RMST: variants seen among roughly 807,000 people sequenced by gnomAD.
The protein encoded by RMST is rhabdomyosarcoma 2 associated transcript.
At chr12:97,512,302 CAA>C (rs1477125070) in intron 10 of RMST, among the ~76,000 whole-genome samples, 1 of 152,108 alleles carries the variant, frequency 6.6e-6, no homozygotes. Context: ...AGTGGGGACC[CAA>C]AGAGTGAGCA....
chr12:97,481,843 TG>T (rs1448487942), intron 5 of RMST, among the ~76,000 whole-genome samples: 16 of 152,226 alleles, frequency 1.1e-4, no homozygotes, highest in Admixed American at 9.2e-4. Flanking sequence ...TTTCCAAGAC[TG>T]GCTAAATAAG....
chr12:97,498,050 T>C (rs1211103313), intron 10 of RMST, among the ~76,000 whole-genome samples: 1 of 152,104 alleles, frequency 6.6e-6, no homozygotes, highest in Non-Finnish European at 1.5e-5. Context: ...AAAGTAATAA[T>C]ACAAATAGAG....
At chr12:97,489,786 A>G (rs1397016699) in intron 5 of RMST, among the ~76,000 whole-genome samples, 3 of 152,210 alleles carry the variant, frequency 2.0e-5, no homozygotes, top group African/African-American at 7.2e-5. Flanking sequence ...ATATTTATCA[A>G]ATGCTTGATA....
At chr12:97,522,837 C>T (rs907826240) in intron 10 of RMST, among the ~76,000 whole-genome samples, 1 of 152,182 alleles carries the variant, frequency 6.6e-6, no homozygotes, top group East Asian at 1.9e-4. Context: ...AACAAAACAT[C>T]GAGTGAGATC....
At chr12:97,483,662 A>C (rs1875727924) in intron 5 of RMST, among the ~76,000 whole-genome samples, 1 of 152,166 alleles carries the variant, frequency 6.6e-6, no homozygotes, top group African/African-American at 2.4e-5. Flanking sequence ...TGTTTCTTTA[A>C]AAAATACTTG....
chr12:97,507,648 T>C (rs1178793648), intron 10 of RMST, among the ~76,000 whole-genome samples: 1 of 152,194 alleles, frequency 6.6e-6, no homozygotes. Context: ...TTGTTTAAAA[T>C]GCCTCTAAGA....
chr12:97,507,465 T>A (rs1878825736), intron 10 of RMST, among the ~76,000 whole-genome samples: 1 of 152,056 alleles, frequency 6.6e-6, no homozygotes, highest in Admixed American at 6.6e-5. Flanking sequence ...TAAACATTTT[T>A]GAGTTAGTAT....
At chr12:97,514,847 A>G (rs1354665361) in intron 10 of RMST, among the ~76,000 whole-genome samples, 2 of 152,154 alleles carry the variant, frequency 1.3e-5, no homozygotes, top group Non-Finnish European at 2.9e-5. Flanking sequence ...TTGCTGATGA[A>G]ATAGAAGTAT....
intron 5 of RMST, among the ~76,000 whole-genome samples, chr12:97,480,906 A>G (rs1875197518): frequency 6.6e-6 from 1 of 151,982 alleles, no homozygotes; most frequent in Non-Finnish European, 1.5e-5. Context: ...CCCCATCCCA[A>G]CTATCCTTAG....
At chr12:97,532,625 T>C (rs887647477) in intron 11 of RMST, 2 of 147,174 alleles carry the variant, frequency 1.4e-5, no homozygotes, top group Non-Finnish European at 3.0e-5. Flanking sequence ...GCCCAGAAAG[T>C]GGTTCACAGC....
intron 10 of RMST, among the ~76,000 whole-genome samples, chr12:97,523,132 G>A (rs1175472502): frequency 1.3e-5 from 2 of 152,152 alleles, no homozygotes; most frequent in Admixed American, 6.5e-5. Flanking sequence ...TTGCACAAAC[G>A]AAGCATACAG....
rs1872846632 is a variant in RMST, at chr12:97,463,678, C to A, written n.584+389C>A. Among the ~76,000 whole-genome samples the A allele has an allele frequency of 2.6e-5, 4 of 152,118 alleles. No homozygotes were observed. The South Asian group carries it at 8.3e-4, about 32-fold the overall frequency. ...TTTTTACACTCAACTGTACTGAGGT[C>A]AGAGAGTTTCAAAAATTAATGAGAT... On this transcript the variant is annotated intron_variant and non_coding_transcript_variant, in intron 4 of 13. Transcript: ENST00000640149.
At chr12:97,483,990 C>T (rs1300432996) in intron 5 of RMST, among the ~76,000 whole-genome samples, 12 of 152,120 alleles carry the variant, frequency 7.9e-5, no homozygotes, top group Admixed American at 7.9e-4. Context: ...TCTTTAAGCA[C>T]TATGGACTGT....
chr12:97,467,400 C>G (rs1873325661), intron 5 of RMST, among the ~76,000 whole-genome samples: 1 of 152,034 alleles, frequency 6.6e-6, no homozygotes, highest in African/African-American at 2.4e-5. Flanking sequence ...TTTTTCTGTA[C>G]AAGTTACACA....
exon 14 of RMST, chr12:97,564,556 G>A (rs1300631947): frequency 1.3e-5 from 2 of 152,242 alleles, no homozygotes; most frequent in African/African-American, 2.4e-5. Flanking sequence ...ATGAAGAGAA[G>A]TAATACCTAC....
chr12:97,527,468 T>G (rs1049685450), intron 10 of RMST, among the ~76,000 whole-genome samples: 1 of 152,182 alleles, frequency 6.6e-6, no homozygotes, highest in South Asian at 2.1e-4. Flanking sequence ...GAGTTGGACT[T>G]TGTGGCCACA....
intron 10 of RMST, among the ~76,000 whole-genome samples, chr12:97,503,461 A>G (rs1320653253): frequency 7.0e-6 from 1 of 143,058 alleles, no homozygotes; most frequent in Admixed American, 6.9e-5. Flanking sequence ...AATTCCAGGA[A>G]AAAAAAAAAA....
intron 10 of RMST, among the ~76,000 whole-genome samples, chr12:97,522,866 T>G (rs747023452): frequency 1.3e-5 from 2 of 152,190 alleles, no homozygotes; most frequent in Non-Finnish European, 2.9e-5. Context: ...TCTAATAAGC[T>G]TTTGCGTGGA....
At chr12:97,517,090 ACTCTC>A (rs1880012917) in intron 10 of RMST, among the ~76,000 whole-genome samples, 1 of 151,866 alleles carries the variant, frequency 6.6e-6, no homozygotes, top group Non-Finnish European at 1.5e-5. Flanking sequence ...GATATTATAA[ACTCTC>A]CTCTTATCAG....
Sources: allele counts gnomAD v4.1 joint callset (sites outside exome capture counted in the v4.1 genomes callset), GRCh38; gene constraint gnomAD v4.1.1; transcripts MANE v1.5; gene names NCBI Gene and HGNC (gene_info 2026-07-23, HGNC 2026-07-21).